The following ARHGEF18 variants were observed in gnomAD, a reference collection of about 807,000 sequenced individuals.
ARHGEF18 encodes Rho/Rac guanine nucleotide exchange factor 18.
A neutral mutation model predicts 155.7 loss-of-function variants in ARHGEF18; 93 were observed. That is an observed-to-expected ratio of 0.60 (90% CI 0.50 to 0.71). The LOEUF is 0.71. Among genes scored for constraint, ARHGEF18 ranks in the 30% least tolerant of loss-of-function variants. ARHGEF18 has a pLI of 0.00. For synonymous variants in ARHGEF18, 742 were observed against 753.1 expected (o/e 0.99, Z 0.24); for missense variants, 1,593 against 1,816.1 (o/e 0.88, Z 2.23).
chr19:7,402,199 T>A (rs530153613), intron 10 of ARHGEF18, among the ~76,000 whole-genome samples: 18 of 152,164 alleles, frequency 1.2e-4, no homozygotes, highest in African/African-American at 4.1e-4. Context: ...GACGGGCAGA[T>A]CACAACGTCA....
At chr19:7,359,798 A>G (rs1969470865) in intron 1 of ARHGEF18, among the ~76,000 whole-genome samples, 4 of 152,124 alleles carry the variant, frequency 2.6e-5, no homozygotes, top group African/African-American at 9.7e-5. Flanking sequence ...GGGAACTAGG[A>G]TCACAGTTGA....
rs72027162 is a variant in ARHGEF18, at chr19:7,398,703, A to AT, written c.967+15500_967+15501insT. Among the ~76,000 whole-genome samples the AT allele has an allele frequency of 7.5e-3, 1,125 of 150,284 alleles. 11 individuals are homozygous for AT. The highest frequency in any genetic ancestry group is 0.025 in the African/African-American group (981 of 39,950). ...TAGACTCTGTCTCAAAAAAAAAAAA[A>AT]AAAATAAAGAAAGAAAGAAAAGAGA... On this transcript the variant is annotated intron_variant, in intron 10 of 28. Coordinates refer to ENST00000668164, the MANE Select transcript of ARHGEF18 (RefSeq NM_001367823.1).
chr19:7,454,959 G>T (rs887072372), intron 17 of ARHGEF18, among the ~76,000 whole-genome samples: 2 of 152,114 alleles, frequency 1.3e-5, no homozygotes, highest in Non-Finnish European at 2.9e-5. Context: ...GCTGCCCAGG[G>T]TGTGCTCCGA....
chr19:7,371,430 C>G (rs894739135), intron 2 of ARHGEF18, among the ~76,000 whole-genome samples: 1 of 152,108 alleles, frequency 6.6e-6, no homozygotes, highest in Non-Finnish European at 1.5e-5. Context: ...CGCCTGTAAT[C>G]CCAACACTTT....
At chr19:7,432,590 C>T (rs754017311) in intron 10 of ARHGEF18, among the ~76,000 whole-genome samples, 1 of 152,190 alleles carries the variant, frequency 6.6e-6, no homozygotes, top group African/African-American at 2.4e-5. Flanking sequence ...ATCCTCCTGC[C>T]TCAGCCTCCC....
chr19:7,467,618 G>T lies in ARHGEF18; in HGVS notation c.3414G>T (p.Glu1138Asp), dbSNP rs1976734772. 1 of 1,513,780 alleles carries T rather than the reference G, an allele frequency of 6.6e-7. No homozygotes were observed. The highest frequency in any genetic ancestry group is 1.2e-5 in the South Asian group (1 of 81,994). The allele number at this position is 1,513,780 out of a possible 1,614,324, so 93.8% of individuals were successfully genotyped here. ...RAVERERERL[E>D]LLRRLKKQNT... is the part of the protein sequence containing the mutation. The stretch of plus-strand genomic sequence containing the variant: ...TGGAGCGCGAGCGGGAGCGCCTGGA[G>T]CTGCTGCGCCGCCTCAAGAAGCAGA... Residue 1138 changes from glutamate to aspartate, a missense_variant, in exon 26 of 29, where the codon GAG becomes GAT. Transcript: ENST00000668164.
intron 10 of ARHGEF18, among the ~76,000 whole-genome samples, chr19:7,403,405 G>T (rs865816792): frequency 4.5e-4 from 69 of 152,102 alleles, no homozygotes; most frequent in African/African-American, 1.6e-3. Flanking sequence ...TCTGTCTCTA[G>T]ATCTGTCTAT....
intron 10 of ARHGEF18, among the ~76,000 whole-genome samples, chr19:7,399,564 C>G (rs1239961608): frequency 6.6e-6 from 1 of 151,616 alleles, no homozygotes; most frequent in African/African-American, 2.4e-5. Flanking sequence ...CCACTGCAAG[C>G]TCCACCTCCG....
intron 10 of ARHGEF18, among the ~76,000 whole-genome samples, chr19:7,415,854 G>T (rs1468548186): frequency 1.3e-5 from 2 of 152,104 alleles, no homozygotes; most frequent in East Asian, 3.8e-4. Context: ...TGCTGGATCG[G>T]ATGGTAATTC....
intron 10 of ARHGEF18, among the ~76,000 whole-genome samples, chr19:7,407,680 G>C (rs1972398565): frequency 6.6e-6 from 1 of 152,096 alleles, no homozygotes; most frequent in South Asian, 2.1e-4. Flanking sequence ...ATTAGATATA[G>C]TAGGCCAGGG....
At chr19:7,464,975 G>A (rs936384028) in intron 23 of ARHGEF18, among the ~76,000 whole-genome samples, 1 of 152,272 alleles carries the variant, frequency 6.6e-6, no homozygotes, top group East Asian at 1.9e-4. Context: ...CCCCCTACAG[G>A]GACCACCAGC....
chr19:7,464,056 G>C, intron 22 of ARHGEF18, 101 bp downstream of exon 22: 4 of 1,423,122 alleles, frequency 2.8e-6, no homozygotes, highest in Non-Finnish European at 3.7e-6. Flanking sequence ...TGTTGTTGTT[G>C]AGACAGAGTC....
chr19:7,360,437 T>C (rs1969498459), intron 1 of ARHGEF18, among the ~76,000 whole-genome samples: 1 of 152,148 alleles, frequency 6.6e-6, no homozygotes, highest in South Asian at 2.1e-4. Context: ...GGTTTCGCCA[T>C]GTTGGTCAGG....
chr19:7,442,168 TCCTTATC>T (rs1974700693), intron 13 of ARHGEF18, 116 bp downstream of exon 13: 1 of 1,039,796 alleles, frequency 9.6e-7, no homozygotes, highest in Non-Finnish European at 1.4e-6. Context: ...CTTCCTTCCT[TCCTTATC>T]TTTTTCTTTC....
intron 10 of ARHGEF18, chr19:7,390,637 AT>A (rs1430789646): frequency 6.6e-6 from 1 of 152,182 alleles, no homozygotes; most frequent in Non-Finnish European, 1.5e-5. Flanking sequence ...CATCCTCTTC[AT>A]TTTTTGTTAT....
intron 3 of ARHGEF18, among the ~76,000 whole-genome samples, chr19:7,375,399 A>AAAGGAAGG (rs1417717442): frequency 8.6e-5 from 13 of 151,090 alleles, no homozygotes; most frequent in African/African-American, 2.9e-4. Context: ...AGGAAGGAAG[A>AAAGGAAGG]AAGGAAGGAA....
At chr19:7,388,403 T>C (rs1971201647) in intron 10 of ARHGEF18, among the ~76,000 whole-genome samples, 1 of 151,732 alleles carries the variant, frequency 6.6e-6, no homozygotes, top group Non-Finnish European at 1.5e-5. Context: ...CTGTAAGTGC[T>C]CTAAACCGAT....
At position 7,380,387 on chromosome 19, in the gene ARHGEF18, G is replaced by A. The variant is rs571620066; in HGVS notation, c.645-530G>A. Among the ~76,000 whole-genome samples the A allele has an allele frequency of 6.8e-4, 103 of 151,586 alleles. 1 individual carries two copies. The South Asian group carries it at 7.3e-3, about 11-fold the overall frequency. On this transcript the variant is annotated intron_variant, in intron 7 of 28. Coordinates refer to ENST00000668164, the MANE Select transcript of ARHGEF18 (RefSeq NM_001367823.1). ...CCAGCTACTCAGGAGGCTGAGGCAG[G>A]AGAATGGCGTGAACCCAGGAGGCGG...
At chr19:7,393,418 G>A (rs951108935) in intron 10 of ARHGEF18, among the ~76,000 whole-genome samples, 1 of 152,238 alleles carries the variant, frequency 6.6e-6, no homozygotes, top group Non-Finnish European at 1.5e-5. Flanking sequence ...AGGTTTCCCA[G>A]GCTGATCTCA....
Sources: allele counts gnomAD v4.1 joint callset (sites outside exome capture counted in the v4.1 genomes callset), GRCh38; gene constraint gnomAD v4.1.1; transcripts MANE v1.5; gene names NCBI Gene and HGNC (gene_info 2026-07-23, HGNC 2026-07-21).